Variants in DESI2 observed in about 807,000 individuals in gnomAD.
DESI2 encodes deubiquitinase DESI2.
In DESI2, 10 loss-of-function variants were observed where a neutral mutation model predicts 24.1. The ratio of observed to expected loss-of-function variants is 0.41; its 90% CI spans 0.26 to 0.70. DESI2 has a LOEUF of 0.70. DESI2 is among the 30% of genes least tolerant of loss of function. The pLI is 0.29. For synonymous variants in DESI2, 71 were observed against 87.7 expected (o/e 0.81, Z 1.06); for missense variants, 122 against 234.9 (o/e 0.52, Z 3.14).
intron 4 of DESI2, among the ~76,000 whole-genome samples, chr1:244,699,614 A>C (rs1331685363): frequency 8.0e-6 from 1 of 125,534 alleles, no homozygotes; most frequent in African/African-American, 2.9e-5. Flanking sequence ...AAAAAAAAAA[A>C]AATTCTGTGA....
intron 4 of DESI2, among the ~76,000 whole-genome samples, chr1:244,696,483 G>A (rs918795016): frequency 1.3e-5 from 2 of 152,110 alleles, no homozygotes; most frequent in African/African-American, 2.4e-5. Context: ...AGCTAGGCAC[G>A]GTGGTGTGTG....
chr1:244,658,846 A>G (rs555922695), intron 1 of DESI2, among the ~76,000 whole-genome samples: 1 of 152,342 alleles, frequency 6.6e-6, no homozygotes, highest in African/African-American at 2.4e-5. Flanking sequence ...AAAAAATCAA[A>G]TAGTTTTCTT....
At chr1:244,699,512 G>C (rs1394660246) in intron 4 of DESI2, among the ~76,000 whole-genome samples, 1 of 144,526 alleles carries the variant, frequency 6.9e-6, no homozygotes, top group Admixed American at 7.3e-5. Context: ...AATACAGGAG[G>C]GGGAGGTTGC....
chr1:244,694,391 A>T (rs912271097), intron 4 of DESI2: 14 of 640,098 alleles, frequency 2.2e-5, no homozygotes, highest in Middle Eastern at 4.7e-4. Context: ...TTTTTTTTTT[A>T]AACCGGAACA....
chr1:244,699,047 G>A (rs1246821132), intron 4 of DESI2, among the ~76,000 whole-genome samples: 2 of 152,114 alleles, frequency 1.3e-5, no homozygotes, highest in Non-Finnish European at 2.9e-5. Context: ...TTGCAACAGT[G>A]GACTTACCAG....
chr1:244,675,063 A>G (rs1558656331), intron 1 of DESI2, among the ~76,000 whole-genome samples: 1 of 152,212 alleles, frequency 6.6e-6, no homozygotes, highest in Non-Finnish European at 1.5e-5. Flanking sequence ...TAGGTGTGAC[A>G]TGATAGATAA....
rs186452398 is a variant in DESI2, at chr1:244,683,532, T to C, written c.43-3065T>C. On this transcript the variant is annotated intron_variant, in intron 1 of 4. Transcript: ENST00000302550. ...TTCACCATGTTAGCCAGGGTGGTCT[T>C]GATCTCCTGACCTTGTGATCCGCCC... Among the ~76,000 whole-genome samples, 1,094 of 152,176 alleles carry C rather than the reference T, an allele frequency of 7.2e-3. 13 individuals carry two copies. The highest frequency in any genetic ancestry group is 0.012 in the Non-Finnish European group (819 of 67,986).
At chr1:244,670,526 T>G (rs1676211114) in intron 1 of DESI2, among the ~76,000 whole-genome samples, 1 of 152,250 alleles carries the variant, frequency 6.6e-6, no homozygotes, top group Non-Finnish European at 1.5e-5. Flanking sequence ...ATAATCTTTA[T>G]GGGACAAGCA....
intron 1 of DESI2, among the ~76,000 whole-genome samples, chr1:244,673,426 A>C (rs1283930940): frequency 6.6e-6 from 1 of 152,276 alleles, no homozygotes; most frequent in Admixed American, 6.5e-5. Flanking sequence ...GTGGCTGACC[A>C]AAATACATAT....
intron 4 of DESI2, among the ~76,000 whole-genome samples, chr1:244,703,604 G>T (rs1402173593): frequency 6.6e-6 from 1 of 151,116 alleles, no homozygotes; most frequent in East Asian, 1.9e-4. Flanking sequence ...TCCTGCCTTG[G>T]ACTTCCAAAG....
At chr1:244,696,965 A>G (rs1347432781) in intron 4 of DESI2, among the ~76,000 whole-genome samples, 2 of 152,150 alleles carry the variant, frequency 1.3e-5, no homozygotes, top group Non-Finnish European at 2.9e-5. Flanking sequence ...CATTTCATAT[A>G]TGTTGTCACA....
intron 1 of DESI2, among the ~76,000 whole-genome samples, chr1:244,673,358 G>T (rs182553242): frequency 1.3e-5 from 2 of 152,188 alleles, no homozygotes; most frequent in Non-Finnish European, 2.9e-5. Context: ...TAATTTATTC[G>T]CTTCATAATG....
At chr1:244,661,243 C>A (rs1005258651) in intron 1 of DESI2, among the ~76,000 whole-genome samples, 1 of 152,102 alleles carries the variant, frequency 6.6e-6, no homozygotes, top group Non-Finnish European at 1.5e-5. Context: ...ACTAGATAAC[C>A]TCATTTAAGT....
intron 1 of DESI2, chr1:244,654,008 C>G (rs1344029982): frequency 6.4e-6 from 3 of 471,200 alleles, no homozygotes; most frequent in South Asian, 4.6e-5. Context: ...TTCCTACACT[C>G]TGAAGACCAC....
chr1:244,673,150 G>T (rs1002712678), intron 1 of DESI2, among the ~76,000 whole-genome samples: 3 of 152,082 alleles, frequency 2.0e-5, no homozygotes, highest in Non-Finnish European at 2.9e-5. Flanking sequence ...AATTAAATTT[G>T]CATCTTCCAC....
chr1:244,683,871 A>T (rs1390939773), intron 1 of DESI2, among the ~76,000 whole-genome samples: 1 of 141,718 alleles, frequency 7.1e-6, no homozygotes, highest in African/African-American at 2.6e-5. Flanking sequence ...TACCTGGCTA[A>T]TTTTTTTTTT....
In DESI2 at chr1:244,690,376, T is replaced by C. The variant is rs1676980876; in HGVS notation, c.209+1034T>C. The stretch of plus-strand genomic sequence containing the variant: ...AGAATGAGAATATAAATGTTAATAA[T>C]AAAATTTTCATTCCTTAATTGAGGT... On this transcript the variant is annotated intron_variant, in intron 3 of 4. Coordinates refer to ENST00000302550, the MANE Select transcript of DESI2 (RefSeq NM_016076.5). Among the ~76,000 whole-genome samples the C allele has an allele frequency of 2.0e-5, 3 of 152,296 alleles. No homozygotes were observed. The South Asian group carries it at 6.2e-4, about 32-fold the overall frequency.
intron 4 of DESI2, among the ~76,000 whole-genome samples, chr1:244,700,692 A>G (rs182450397): frequency 8.5e-5 from 13 of 152,342 alleles, no homozygotes; most frequent in Admixed American, 5.2e-4. Context: ...AATCTGGGCT[A>G]CAGAATTTTT....
chr1:244,701,540 A>C (rs12088118), intron 4 of DESI2, among the ~76,000 whole-genome samples: 2,814 of 152,228 alleles, frequency 0.018, 88 homozygotes, highest in African/African-American at 0.062. Context: ...AGAGGATAGA[A>C]TCTCCAGATG....
Sources: allele counts gnomAD v4.1 joint callset (sites outside exome capture counted in the v4.1 genomes callset), GRCh38; gene constraint gnomAD v4.1.1; transcripts MANE v1.5; gene names NCBI Gene and HGNC (gene_info 2026-07-23, HGNC 2026-07-21).